The following SNTG1 variants were observed in gnomAD, a reference collection of about 807,000 sequenced individuals.
The protein encoded by SNTG1 is syntrophin gamma 1, also known as gamma-1-syntrophin.
In SNTG1, 39 loss-of-function variants were observed where a neutral mutation model predicts 74.7. The observed-to-expected ratio is 0.52, with a 90% confidence interval of 0.40 to 0.68. The LOEUF (loss-of-function observed/expected upper bound fraction) is 0.68, where lower values mean the gene tolerates loss of function less well. Ranked by LOEUF, SNTG1 falls within the 30% of genes least tolerant of loss-of-function variation. SNTG1 has a pLI of 0.00. For synonymous variants in SNTG1, 254 were observed against 217.1 expected, an observed-to-expected ratio of 1.17 and a Z score of -1.49; for missense variants, 685 against 609.5, an observed-to-expected ratio of 1.12 and a Z score of -1.30.
intron 11 of SNTG1, among the ~76,000 whole-genome samples, chr8:50,539,953 C>T (rs1181327874): frequency 6.6e-6 from 1 of 152,152 alleles, no homozygotes; most frequent in Non-Finnish European, 1.5e-5. Context: ...AAAAGTCTTG[C>T]TGTTAGCCAT....
intron 1 of SNTG1, among the ~76,000 whole-genome samples, chr8:50,008,084 G>T (rs1252892470): frequency 6.6e-6 from 1 of 152,050 alleles, no homozygotes; most frequent in Non-Finnish European, 1.5e-5. Context: ...TACAATTCAA[G>T]ATGAGATTTG....
chr8:50,561,111 C>T (rs1234666762), intron 12 of SNTG1, among the ~76,000 whole-genome samples: 2 of 152,098 alleles, frequency 1.3e-5, no homozygotes, highest in African/African-American at 2.4e-5. Context: ...GTGATTGGAT[C>T]ATGGGAGTGG....
intron 15 of SNTG1, among the ~76,000 whole-genome samples, chr8:50,659,799 G>A (rs934251870): frequency 2.0e-5 from 3 of 152,124 alleles, no homozygotes; most frequent in Non-Finnish European, 4.4e-5. Context: ...GATCATACAC[G>A]ACTCCAGTTT....
intron 2 of SNTG1, among the ~76,000 whole-genome samples, chr8:50,318,249 G>A (rs1279050240): frequency 6.6e-6 from 1 of 150,918 alleles, no homozygotes; most frequent in African/African-American, 2.4e-5. Flanking sequence ...CTCAACATGT[G>A]CACGGCAATC....
At chr8:50,650,156 A>C (rs1404983236) in intron 13 of SNTG1, among the ~76,000 whole-genome samples, 1 of 152,110 alleles carries the variant, frequency 6.6e-6, no homozygotes, top group African/African-American at 2.4e-5. Flanking sequence ...AATTTAAAAA[A>C]TTCTATTTTA....
At chr8:49,929,111 T>C (rs190084336) in intron 1 of SNTG1, among the ~76,000 whole-genome samples, 343 of 152,224 alleles carry the variant, frequency 2.3e-3, no homozygotes, top group African/African-American at 7.8e-3. Flanking sequence ...AGGACTTAAA[T>C]AACTAATAAA....
intron 2 of SNTG1, among the ~76,000 whole-genome samples, chr8:50,339,739 CAAAT>C (rs1184138258): frequency 1.3e-5 from 2 of 151,784 alleles, no homozygotes; most frequent in Non-Finnish European, 3.0e-5. Context: ...AATAAAGAAA[CAAAT>C]AAAAAGGGCA....
chr8:50,362,813 T>C (rs2091998117), intron 2 of SNTG1, among the ~76,000 whole-genome samples: 1 of 152,138 alleles, frequency 6.6e-6, no homozygotes, highest in Non-Finnish European at 1.5e-5. Flanking sequence ...GGGTGTTAAA[T>C]AAGGCTTCAC....
At chr8:50,606,861 T>TA (rs1183490896) in intron 13 of SNTG1, among the ~76,000 whole-genome samples, 1 of 151,890 alleles carries the variant, frequency 6.6e-6, no homozygotes, top group Non-Finnish European at 1.5e-5. Context: ...TTTCTATCAA[T>TA]ATGCTATGTT....
chr8:50,312,279 T>C (rs761307413), intron 2 of SNTG1, among the ~76,000 whole-genome samples: 77 of 152,148 alleles, frequency 5.1e-4, no homozygotes, highest in Non-Finnish European at 9.4e-4. Flanking sequence ...CTATCTTTTC[T>C]GGTCAATTCC....
At chr8:50,374,177 T>A (rs1047510255) in intron 2 of SNTG1, among the ~76,000 whole-genome samples, 1 of 152,220 alleles carries the variant, frequency 6.6e-6, no homozygotes, top group Non-Finnish European at 1.5e-5. Flanking sequence ...GACCTCTCTG[T>A]TTGCTGTTAA....
chr8:50,105,789 A>C (rs1395089869), intron 1 of SNTG1, among the ~76,000 whole-genome samples: 1 of 151,720 alleles, frequency 6.6e-6, no homozygotes, highest in Admixed American at 6.6e-5. Flanking sequence ...TATTTTTGTG[A>C]CTATTGTGAG....
chr8:50,214,104 T>A (rs183791364), intron 2 of SNTG1, among the ~76,000 whole-genome samples: 2 of 151,950 alleles, frequency 1.3e-5, no homozygotes, highest in African/African-American at 4.8e-5. Context: ...TCATGTCCTT[T>A]GTAGGGACAT....
chr8:50,450,096 G>C (rs2093442108), intron 6 of SNTG1, among the ~76,000 whole-genome samples: 2 of 152,182 alleles, frequency 1.3e-5, no homozygotes, highest in African/African-American at 4.8e-5. Context: ...ATTTTACTCA[G>C]CTAACCATTC....
intron 12 of SNTG1, among the ~76,000 whole-genome samples, chr8:50,582,301 C>T (rs572042284): frequency 6.6e-6 from 1 of 152,214 alleles, no homozygotes; most frequent in Admixed American, 6.5e-5. Context: ...CCTACTAAGA[C>T]CTAGGCCTTC....
intron 1 of SNTG1, among the ~76,000 whole-genome samples, chr8:49,913,106 T>G (rs1417052823): frequency 6.6e-6 from 1 of 152,188 alleles, no homozygotes; most frequent in Non-Finnish European, 1.5e-5. Flanking sequence ...ATAAAAAGGG[T>G]TCACTGGGCA....
rs372711683 is a variant in SNTG1, at chr8:50,177,400, A to G, written c.-28+4765A>G. Among the ~76,000 whole-genome samples, 5 of 152,144 alleles carry G rather than the reference A, an allele frequency of 3.3e-5. No individual in the cohort carries two copies. In the East Asian group the frequency reaches 5.8e-4, roughly 18 times the overall value. ...CCCATGGTTATCTTGTGTCAGCTGC[A>G]GTCAGTGCCTCATTCCCGAACATCC... is the stretch of plus-strand genomic sequence containing the variant. On this transcript the variant is annotated intron_variant, in intron 2 of 18. Transcript: ENST00000642720.
chr8:50,085,930 C>A (rs1336876692), intron 1 of SNTG1, among the ~76,000 whole-genome samples: 1 of 152,082 alleles, frequency 6.6e-6, no homozygotes, highest in South Asian at 2.1e-4. Flanking sequence ...TTATAGGTTC[C>A]ACATTTTCTG....
intron 12 of SNTG1, among the ~76,000 whole-genome samples, chr8:50,587,073 C>T (rs990847303): frequency 7.2e-5 from 11 of 151,920 alleles, no homozygotes; most frequent in East Asian, 1.9e-4. Context: ...TTTCGGTTCA[C>T]GCTTACAGAC....
Sources: allele counts gnomAD v4.1 joint callset (sites outside exome capture counted in the v4.1 genomes callset), GRCh38; gene constraint gnomAD v4.1.1; transcripts MANE v1.5; gene names NCBI Gene and HGNC (gene_info 2026-07-23, HGNC 2026-07-21).